Variants in CNTLN observed in about 807,000 individuals in gnomAD.
The protein encoded by CNTLN is centlein.
Under a neutral mutation model 180.0 loss-of-function variants are expected in CNTLN, and 212 were observed. The observed-to-expected ratio is 1.18, with a 90% CI of 1.05 to 1.32. The LOEUF is 1.32. CNTLN is among the 40% of genes most tolerant of loss of function. The probability of loss-of-function intolerance (pLI) is 0.00; values close to 1 mark genes in which losing one functional copy is unlikely to be tolerated. For synonymous variants in CNTLN, 722 were observed against 563.1 expected (o/e 1.28, Z -3.99); for missense variants, 2,095 against 1,610.9 (o/e 1.30, Z -5.14).
intron 7 of CNTLN, among the ~76,000 whole-genome samples, chr9:17,303,937 TC>T (rs1351643673): frequency 6.6e-6 from 1 of 152,180 alleles, no homozygotes; most frequent in Non-Finnish European, 1.5e-5. Flanking sequence ...AAGAATCAGA[TC>T]TTAGTTTACT....
chr9:17,315,350 T>C (rs886258095), intron 8 of CNTLN, among the ~76,000 whole-genome samples: 5 of 152,120 alleles, frequency 3.3e-5, no homozygotes, highest in African/African-American at 1.2e-4. Context: ...ATGTCTCTTA[T>C]TGTTGCAACT....
intron 2 of CNTLN, among the ~76,000 whole-genome samples, chr9:17,163,932 TA>T (rs1353542890): frequency 2.0e-5 from 3 of 151,654 alleles, no homozygotes; most frequent in African/African-American, 7.3e-5. Flanking sequence ...GGTGGGAGGA[TA>T]GCTTGAGCCC....
intron 24 of CNTLN, among the ~76,000 whole-genome samples, chr9:17,486,115 TTA>T (rs940308695): frequency 5.3e-5 from 8 of 152,118 alleles, no homozygotes; most frequent in Non-Finnish European, 4.4e-5. Context: ...CTAGATTTCA[TTA>T]TAGACCAGAG....
At chr9:17,256,957 C>T (rs1563926331) in intron 5 of CNTLN, among the ~76,000 whole-genome samples, 1 of 151,586 alleles carries the variant, frequency 6.6e-6, no homozygotes, top group Non-Finnish European at 1.5e-5. Context: ...CAATGACCTC[C>T]TATACATTTT....
At chr9:17,508,031 C>T (rs1833964424), downstream of CNTLN, among the ~76,000 whole-genome samples, 1 of 152,112 alleles carries the variant, frequency 6.6e-6, no homozygotes. Flanking sequence ...AGCGTGAAGG[C>T]CTCAGAGTCA....
intron 2 of CNTLN, among the ~76,000 whole-genome samples, chr9:17,154,449 CT>C (rs2131539555): frequency 6.6e-6 from 1 of 152,304 alleles, no homozygotes; most frequent in South Asian, 2.1e-4. Flanking sequence ...ACCCTGTTTG[CT>C]TGGGTATCAG....
intron 8 of CNTLN, among the ~76,000 whole-genome samples, chr9:17,321,039 AT>A (rs1819873820): frequency 6.6e-6 from 1 of 152,156 alleles, no homozygotes; most frequent in South Asian, 2.1e-4. Context: ...TTCAAAACAA[AT>A]TTATTCCTTT....
At chr9:17,141,812 G>A (rs892796244) in intron 1 of CNTLN, among the ~76,000 whole-genome samples, 5 of 152,064 alleles carry the variant, frequency 3.3e-5, no homozygotes, top group African/African-American at 1.2e-4. Flanking sequence ...GGCTGGGCAC[G>A]GTGGCTCATG....
intron 5 of CNTLN, among the ~76,000 whole-genome samples, chr9:17,256,181 C>T (rs545021330): frequency 1.3e-5 from 2 of 151,928 alleles, no homozygotes; most frequent in South Asian, 4.1e-4. Flanking sequence ...AGGTTGATTC[C>T]ATGTCTTTGC....
chr9:17,147,824 A>T (rs188731608), intron 2 of CNTLN, among the ~76,000 whole-genome samples: 1 of 152,198 alleles, frequency 6.6e-6, no homozygotes, highest in Non-Finnish European at 1.5e-5. Context: ...TAAAAATAGT[A>T]TAATAATGCC....
intron 8 of CNTLN, among the ~76,000 whole-genome samples, chr9:17,326,750 CT>C (rs2133082610): frequency 1.3e-5 from 2 of 152,196 alleles, no homozygotes; most frequent in South Asian, 4.1e-4. Context: ...CCTCTATGAT[CT>C]TCCTTCTCAA....
At chr9:17,266,703 T>C (rs1331795298) in intron 5 of CNTLN, among the ~76,000 whole-genome samples, 1 of 152,184 alleles carries the variant, frequency 6.6e-6, no homozygotes, top group Non-Finnish European at 1.5e-5. Context: ...CAGGACTTGC[T>C]TTATGAATCT....
chr9:17,153,660 T>C (rs968084580), intron 2 of CNTLN, among the ~76,000 whole-genome samples: 1 of 152,178 alleles, frequency 6.6e-6, no homozygotes, highest in Non-Finnish European at 1.5e-5. Context: ...AGGAGTATCT[T>C]TGTGGCATTC....
rs1024959555 is a variant in CNTLN at position 17,344,075 on chromosome 9, G to A, written c.1886+1631G>A. On this transcript the variant is annotated intron_variant, in intron 12 of 25. Coordinates refer to ENST00000380647, the MANE Select transcript of CNTLN (RefSeq NM_017738.4). ...AAAAAAGAAAGTAATTTTGAATAAA[G>A]TGAATTAGTTGAGAGACCTAATCTA... Among the ~76,000 whole-genome samples the A allele has an allele frequency of 1.6e-4, 25 of 152,156 alleles. 1 individual carries two copies. The highest frequency in any genetic ancestry group is 6.0e-4 in the African/African-American group (25 of 41,430).
At chr9:17,456,648 C>T (rs1386309484) in intron 18 of CNTLN, among the ~76,000 whole-genome samples, 1 of 151,990 alleles carries the variant, frequency 6.6e-6, no homozygotes, top group African/African-American at 2.4e-5. Context: ...AGATTTTTCC[C>T]CCTCTGAGAG....
intron 2 of CNTLN, among the ~76,000 whole-genome samples, chr9:17,202,646 G>GTTTTTTTTTTTT (rs57960408): frequency 5.2e-4 from 37 of 71,452 alleles, no homozygotes; most frequent in South Asian, 1.8e-3. Flanking sequence ...TGCAACCTCT[G>GTTTTTTTTTTTT]TTTTTTTTTT....
chr9:17,210,003 T>G (rs891659535), intron 2 of CNTLN, among the ~76,000 whole-genome samples: 1 of 152,198 alleles, frequency 6.6e-6, no homozygotes, highest in Non-Finnish European at 1.5e-5. Context: ...TGTACATCTT[T>G]CATTGTAACT....
chr9:17,491,401 C>T (rs974769765), intron 25 of CNTLN, among the ~76,000 whole-genome samples: 2 of 151,890 alleles, frequency 1.3e-5, no homozygotes, highest in Admixed American at 6.6e-5. Flanking sequence ...AGGTAGTTAA[C>T]TTGAGTAGAA....
At chr9:17,191,036 CTAA>C (rs1347780443) in intron 2 of CNTLN, among the ~76,000 whole-genome samples, 1 of 152,134 alleles carries the variant, frequency 6.6e-6, no homozygotes, top group Non-Finnish European at 1.5e-5. Context: ...AGAGAAATAC[CTAA>C]TAGTTCCGTG....
Sources: allele counts gnomAD v4.1 joint callset (sites outside exome capture counted in the v4.1 genomes callset), GRCh38; gene constraint gnomAD v4.1.1; transcripts MANE v1.5; gene names NCBI Gene and HGNC (gene_info 2026-07-23, HGNC 2026-07-21).